PDE4D: variants seen among roughly 807,000 people sequenced by gnomAD.
The protein encoded by PDE4D is phosphodiesterase 4D, also known as 3',5'-cyclic-AMP phosphodiesterase 4D.
Under a neutral mutation model 87.4 loss-of-function variants are expected in PDE4D, and 24 were observed. That is an observed-to-expected ratio of 0.27 (90% CI 0.20 to 0.39). The LOEUF (loss-of-function observed/expected upper bound fraction) is 0.39. Ranked by LOEUF, PDE4D falls within the 10% of genes least tolerant of loss-of-function variation. The probability of loss-of-function intolerance (pLI) is 1.00; values close to 1 mark genes in which losing one functional copy is unlikely to be tolerated. For synonymous variants in PDE4D, 384 were observed against 383.2 expected (o/e 1.00, Z -0.02); for missense variants, 714 against 1,041.0 (o/e 0.69, Z 4.32).
intron 1 of PDE4D, among the ~76,000 whole-genome samples, chr5:59,574,160 A>T (rs1209433): frequency 1.1e-4 from 12 of 106,934 alleles, no homozygotes; most frequent in African/African-American, 4.0e-4. Context: ...ATATTTATAT[A>T]TATATATATA....
intron 3 of PDE4D, among the ~76,000 whole-genome samples, chr5:59,945,881 G>A (rs1394152439): frequency 6.6e-6 from 1 of 152,140 alleles, no homozygotes; most frequent in Non-Finnish European, 1.5e-5. Context: ...CTCAAGGCTG[G>A]TTTGGTGAGG....
intron 1 of PDE4D, among the ~76,000 whole-genome samples, chr5:59,545,330 G>C (rs1350589164): frequency 2.6e-5 from 4 of 151,904 alleles, no homozygotes; most frequent in Admixed American, 2.0e-4. Context: ...AGAAATGTCT[G>C]ATTCCAAGAC....
intron 1 of PDE4D, among the ~76,000 whole-genome samples, chr5:59,404,143 T>C (rs530859567): frequency 1.3e-5 from 2 of 152,362 alleles, no homozygotes; most frequent in South Asian, 2.1e-4. Flanking sequence ...CCATTTTTAA[T>C]TGGATTATCA....
intron 1 of PDE4D, among the ~76,000 whole-genome samples, chr5:60,384,935 C>T (rs1004594244): frequency 6.6e-6 from 1 of 152,178 alleles, no homozygotes; most frequent in African/African-American, 2.4e-5. Flanking sequence ...TAATGGATCC[C>T]ACCAGTCAAC....
intron 3 of PDE4D, among the ~76,000 whole-genome samples, chr5:59,958,775 A>G (rs1242494548): frequency 6.6e-6 from 1 of 152,136 alleles, no homozygotes; most frequent in Non-Finnish European, 1.5e-5. Flanking sequence ...CCCCTTAAGA[A>G]TGGGAACAAG....
chr5:58,974,363 A>G lies in PDE4D; in HGVS notation c.*301T>C. 1 of 227,768 alleles carries G rather than the reference A, an allele frequency of 4.4e-6. No homozygotes were observed. Among genetic ancestry groups the G allele is most frequent in the Non-Finnish European group, 8.5e-6 (1 of 117,240 alleles). The allele number at this position is 227,768 out of a possible 1,614,324, so 14.1% of individuals were successfully genotyped here. On this transcript the variant is annotated 3_prime_UTR_variant, in exon 15 of 15. Transcript: ENST00000340635. ...GTCCAATAAACTTTTGGGCTGCCTG[A>G]TGAGTCACACTCTCTTGAAAATAAT...
chr5:59,099,646 C>T (rs1359139010), intron 5 of PDE4D, among the ~76,000 whole-genome samples: 1 of 152,182 alleles, frequency 6.6e-6, no homozygotes, highest in Non-Finnish European at 1.5e-5. Context: ...ATGAGTGACT[C>T]TAGATCTTTT....
chr5:59,239,373 A>C (rs944767945), intron 1 of PDE4D, among the ~76,000 whole-genome samples: 3 of 152,166 alleles, frequency 2.0e-5, no homozygotes, highest in Non-Finnish European at 4.4e-5. Flanking sequence ...GGACAGAATT[A>C]GAGCTGATAT....
At chr5:59,444,893 A>G (rs953968574) in intron 1 of PDE4D, among the ~76,000 whole-genome samples, 2 of 152,204 alleles carry the variant, frequency 1.3e-5, no homozygotes, top group Admixed American at 1.3e-4. Context: ...TGGGGCAAGC[A>G]TTCTCCAGTT....
chr5:59,232,927 A>G (rs1253008547), intron 1 of PDE4D, among the ~76,000 whole-genome samples: 1 of 152,148 alleles, frequency 6.6e-6, no homozygotes, highest in Non-Finnish European at 1.5e-5. Context: ...GTTAAGTGAA[A>G]TAAGCCAGGC....
At chr5:59,903,811 CCT>C (rs1491435044) in intron 3 of PDE4D, among the ~76,000 whole-genome samples, 3 of 152,136 alleles carry the variant, frequency 2.0e-5, no homozygotes, top group Non-Finnish European at 4.4e-5. Context: ...TCCCTGCCTG[CCT>C]CTCTGCAGTG....
intron 1 of PDE4D, among the ~76,000 whole-genome samples, chr5:59,570,820 G>A (rs1282824203): frequency 2.0e-5 from 3 of 152,162 alleles, no homozygotes; most frequent in African/African-American, 7.2e-5. Context: ...TATAAAATTT[G>A]TGGATCAGAA....
chr5:59,291,658 T>C (rs1768030588), intron 1 of PDE4D, among the ~76,000 whole-genome samples: 1 of 151,932 alleles, frequency 6.6e-6, no homozygotes, highest in South Asian at 2.1e-4. Flanking sequence ...TATTATGCAT[T>C]GTATGTTTGT....
upstream of PDE4D, among the ~76,000 whole-genome samples, chr5:59,895,666 A>G (rs916389298): frequency 6.6e-6 from 1 of 152,230 alleles, no homozygotes; most frequent in African/African-American, 2.4e-5. Flanking sequence ...ATTAACATCC[A>G]AAACCATTTT....
intron 2 of PDE4D, among the ~76,000 whole-genome samples, chr5:60,121,284 A>G (rs1414145706): frequency 2.0e-5 from 3 of 152,086 alleles, no homozygotes; most frequent in African/African-American, 7.2e-5. Context: ...AATAAGATGC[A>G]TTTTTAAAAG....
intron 1 of PDE4D, among the ~76,000 whole-genome samples, chr5:59,329,290 A>G (rs1776282287): frequency 6.6e-6 from 1 of 152,188 alleles, no homozygotes; most frequent in African/African-American, 2.4e-5. Context: ...AGAGCCCCCA[A>G]ATCAGGGAAA....
chr5:59,054,905 TA>T (rs1030568892), intron 5 of PDE4D, among the ~76,000 whole-genome samples: 5 of 152,172 alleles, frequency 3.3e-5, no homozygotes, highest in East Asian at 1.9e-4. Flanking sequence ...TTTTTATAAT[TA>T]AAAAACTCTC....
At position 59,668,856 on chromosome 5, in the gene PDE4D, A is replaced by AAGG. The variant is rs1327876178; in HGVS notation, c.455+224311_455+224312insCCT. ...GAGGAAGAGGAAGAGGAAGAAGAAG[A>AAGG]AGAAGAAGAAGAAGAAGAAGAAGAA... On this transcript the variant is annotated intron_variant, in intron 1 of 14. Transcript: ENST00000340635. 1.2e-3 allele frequency among the ~76,000 whole-genome samples: 72 copies of AAGG among 62,150 alleles called. 1 individual carries two copies. Among genetic ancestry groups the AAGG allele is most frequent in the African/African-American group, 5.2e-3 (66 of 12,708 alleles). The allele number at this position is 62,150 out of a possible 152,430, so 40.8% of individuals were successfully genotyped here. A position where few individuals can be genotyped will look rare whatever the true frequency, so the allele number is the denominator to read the frequency against.
At chr5:60,465,111 A>T (rs1056951418) in intron 1 of PDE4D, among the ~76,000 whole-genome samples, 4 of 151,996 alleles carry the variant, frequency 2.6e-5, no homozygotes, top group African/African-American at 7.2e-5. Flanking sequence ...CATCTTTAAA[A>T]AAATAAATAA....
Sources: gnomAD v4.1 joint callset for allele counts (sites outside exome capture counted in the v4.1 genomes callset) on GRCh38, gnomAD v4.1.1 for gene constraint, MANE v1.5 for transcripts, NCBI Gene and HGNC (gene_info 2026-07-23, HGNC 2026-07-21) for gene names.